The following PGLYRP4 variants were observed in gnomAD, a reference collection of about 807,000 sequenced individuals.
PGLYRP4 encodes PGRP-I-beta.
PGLYRP4 carries 39 observed loss-of-function variants against 41.2 expected under a neutral mutation model. The observed-to-expected ratio is 0.95, with a 90% CI of 0.73 to 1.24. PGLYRP4 has a LOEUF of 1.24. Among genes scored for constraint, PGLYRP4 ranks in the 50% most tolerant of loss-of-function variants. The pLI is 0.00. For synonymous variants in PGLYRP4, 202 were observed against 186.8 expected (o/e 1.08, Z -0.66); for missense variants, 467 against 460.7 (o/e 1.01, Z -0.13).
chr1:153,336,747 T>G (rs1660585467), intron 8 of PGLYRP4, among the ~76,000 whole-genome samples: 2 of 151,942 alleles, frequency 1.3e-5, no homozygotes, highest in African/African-American at 2.4e-5. Context: ...AAAAAAAAAG[T>G]AAAATAGAGC....
In PGLYRP4 at chr1:153,340,484, T is replaced by A; in HGVS notation, c.721A>T (p.Thr241Ser). 6.2e-7 allele frequency: 1 copy of A among 1,614,050 alleles called. No homozygotes were observed. The highest frequency in any genetic ancestry group is 8.5e-7 in the Non-Finnish European group (1 of 1,179,982). Residue 241 changes from threonine (T) to serine (S), a missense_variant, in exon 7 of 9, where the codon ACT becomes TCT. Physicochemically the swap from Thr to Ser is moderately conservative, Grantham distance 58 (BLOSUM62 1). Transcript: ENST00000359650. The part of the protein sequence containing the change: ...LPAKYGIIIH[T>S]AGRTCNISDE... ...GAAATGTTGCAGGTCCTCCCGGCAG[T>A]GTGGATAATGATGCCATACTTCGCT...
At chr1:153,337,957 T>A (rs1660636054) in intron 7 of PGLYRP4, among the ~76,000 whole-genome samples, 1 of 152,140 alleles carries the variant, frequency 6.6e-6, no homozygotes, top group African/African-American at 2.4e-5. Context: ...CCACACCTCA[T>A]CTTCCTGCAC....
rs773816873 is a variant in PGLYRP4 at position 153,341,698 on chromosome 1, C to A, written c.554G>T (p.Ser185Ile). The change falls in exon 6 of 9, where the codon AGT becomes ATT. Residue 185 changes from serine to isoleucine, a missense_variant. Physicochemically the swap from Ser to Ile is moderately radical, Grantham distance 142. Coordinates refer to ENST00000359650, the MANE Select transcript of PGLYRP4 (RefSeq NM_020393.4). The stretch of plus-strand genomic sequence containing the variant: ...TTTCCCAAGAAGTGGCTGAACATAA[C>A]TGGATGACAGGTGGCCCTTCTGGAC... ...YAVQKGHLSS[S>I]YVQPLLGKGE... is the part of the protein sequence containing the mutation. 5.0e-6 allele frequency: 8 copies of A among 1,613,884 alleles called. No individual in the cohort carries two copies. Among genetic ancestry groups the A allele is most frequent in the Non-Finnish European group, 5.9e-6 (7 of 1,180,004 alleles).
chr1:153,330,968 G>A (rs748923300), intron 8 of PGLYRP4, 23 bp from the exon 9 acceptor site: 1 of 1,602,026 alleles, frequency 6.2e-7, no homozygotes, highest in Non-Finnish European at 8.5e-7. Context: ...GCAGCCCATT[G>A]TCTACAGGAT....
At position 153,341,646 on chromosome 1, in the gene PGLYRP4, C is replaced by A; in HGVS notation, c.606G>T (p.Gln202His). Residue 202 changes from glutamine to histidine, a missense_variant, in exon 6 of 9, where the codon CAG becomes CAT. Transcript: ENST00000359650. ...TCTTACCCTTCTTCAGGCTTGTCTT[C>A]TGCCGAGGGGCCAGGCAGTTCTCGC... is the stretch of plus-strand genomic sequence containing the variant. ...GKGENCLAPR[Q>H]KTSLKKACPG... The A allele has an allele frequency of 6.2e-7, 1 of 1,612,922 alleles. No homozygotes were observed. The highest frequency in any genetic ancestry group is 8.5e-7 in the Non-Finnish European group (1 of 1,179,842).
At chr1:153,336,854 C>CA (rs764445238) in intron 8 of PGLYRP4, among the ~76,000 whole-genome samples, 4 of 152,190 alleles carry the variant, frequency 2.6e-5, no homozygotes, top group Non-Finnish European at 5.9e-5. Flanking sequence ...ACATTGTTGT[C>CA]ATGGTAACCA....
In PGLYRP4 at chr1:153,337,085, C is replaced by T. The variant is rs1415918553; in HGVS notation, c.943+96G>A. 7 of 964,666 alleles carry T rather than the reference C, an allele frequency of 7.3e-6. No homozygotes were observed. In the East Asian group the frequency reaches 1.4e-4, roughly 20 times the overall value. 59.8% of individuals were successfully genotyped at this position (964,666 alleles called of 1,614,324 possible). ...TGGGTCAATCAAGCATATGCAGGCA[C>T]TAAAATGACGCTTGAGACTGAGACT... On this transcript the variant is annotated intron_variant, in intron 8 of 8. Coordinates refer to ENST00000359650, the MANE Select transcript of PGLYRP4 (RefSeq NM_020393.4).
At chr1:153,332,093 T>C (rs191121451) in intron 8 of PGLYRP4, among the ~76,000 whole-genome samples, 168 of 152,178 alleles carry the variant, frequency 1.1e-3, no homozygotes, top group Non-Finnish European at 3.5e-4. Context: ...TAAATAAATT[T>C]ACAGACTCAA....
intron 7 of PGLYRP4, among the ~76,000 whole-genome samples, chr1:153,338,087 G>A (rs897712311): frequency 3.3e-5 from 5 of 152,098 alleles, no homozygotes; most frequent in East Asian, 1.9e-4. Flanking sequence ...AAGTCCGCAC[G>A]TTCACAACTG....
intron 6 of PGLYRP4, 38 bp downstream of exon 6, chr1:153,341,589 C>T (rs373571921): frequency 2.1e-5 from 33 of 1,583,562 alleles, no homozygotes; most frequent in Non-Finnish European, 2.8e-5. Context: ...TGGGGTGAGC[C>T]CAGTGGCAGG....
In PGLYRP4 at chr1:153,330,710, G is replaced by A. The variant is rs968084390; in HGVS notation, c.*57C>T. 1.0e-5 allele frequency: 15 copies of A among 1,495,968 alleles called. No individual in the cohort carries two copies. The highest frequency in any genetic ancestry group is 1.8e-4 in the Middle Eastern group (1 of 5,520). The allele number at this position is 1,495,968 out of a possible 1,614,324, so 92.7% of individuals were successfully genotyped here. Reference sequence around the variant, plus strand: ...GTGTTGAGCCAAGCTGGATGGTTAGGACAGGAGAGACCTGACAGGGGAGGG... The same window carrying A: ...GTGTTGAGCCAAGCTGGATGGTTAGAACAGGAGAGACCTGACAGGGGAGGG... On this transcript the variant is annotated 3_prime_UTR_variant, in exon 9 of 9. Transcript: ENST00000359650.
intron 2 of PGLYRP4, among the ~76,000 whole-genome samples, chr1:153,347,335 G>A (rs6587737): frequency 0.83 from 126,218 of 152,046 alleles, 52,575 homozygotes; most frequent in East Asian, 0.88. Flanking sequence ...AACTGCGCCC[G>A]GCCAAGAGAG....
intron 8 of PGLYRP4, among the ~76,000 whole-genome samples, chr1:153,332,671 T>C (rs758899198): frequency 3.9e-5 from 6 of 152,298 alleles, no homozygotes; most frequent in Non-Finnish European, 7.4e-5. Context: ...ATTAAAATCA[T>C]ATCAAGTATC....
chr1:153,333,306 A>T (rs1196367067), intron 8 of PGLYRP4, among the ~76,000 whole-genome samples: 5 of 152,210 alleles, frequency 3.3e-5, no homozygotes, highest in Non-Finnish European at 5.9e-5. Flanking sequence ...ATGCATATAA[A>T]CTAAAAAACC....
At chr1:153,340,719 G>GC in intron 6 of PGLYRP4, 140 bp from the exon 7 acceptor site, 1 of 690,078 alleles carries the variant, frequency 1.4e-6, no homozygotes, top group Non-Finnish European at 2.4e-6. Context: ...CAACCACCCT[G>GC]CCCCCAACAG....
intron 6 of PGLYRP4, among the ~76,000 whole-genome samples, 159 bp from the exon 7 acceptor site, chr1:153,340,738 G>C (rs938735395): frequency 1.3e-5 from 2 of 150,656 alleles, no homozygotes; most frequent in Non-Finnish European, 3.0e-5. Context: ...AGTGGGACTT[G>C]AGAGCAGACA....
At chr1:153,336,718 C>T (rs1183223709) in intron 8 of PGLYRP4, among the ~76,000 whole-genome samples, 1 of 151,932 alleles carries the variant, frequency 6.6e-6, no homozygotes, top group African/African-American at 2.4e-5. Flanking sequence ...GATTTGTAGC[C>T]CCTAAATCTA....
chr1:153,345,677 C>T (rs1348955669), intron 3 of PGLYRP4, among the ~76,000 whole-genome samples: 1 of 152,248 alleles, frequency 6.6e-6, no homozygotes, highest in Admixed American at 6.5e-5. Flanking sequence ...CTGCTTATCC[C>T]TGGGGAAAGC....
chr1:153,338,389 GCA>G (rs1342520627), intron 7 of PGLYRP4, among the ~76,000 whole-genome samples: 1 of 152,172 alleles, frequency 6.6e-6, no homozygotes. Flanking sequence ...CTGGATTGCT[GCA>G]CAGTCCTCAG....
Sources: allele counts gnomAD v4.1 joint callset (sites outside exome capture counted in the v4.1 genomes callset), GRCh38; gene constraint gnomAD v4.1.1; transcripts MANE v1.5; gene names NCBI Gene and HGNC (gene_info 2026-07-23, HGNC 2026-07-21).